Variants in BDP1 observed in about 807,000 individuals in gnomAD.
BDP1 encodes the protein transcription factor TFIIIB component B'' homolog.
A neutral mutation model predicts 266.6 loss-of-function variants in BDP1; 169 were observed. The observed-to-expected ratio is 0.63, with a 90% confidence interval of 0.56 to 0.72. The LOEUF is 0.72. Among genes scored for constraint, BDP1 ranks in the 30% least tolerant of loss-of-function variants. The pLI, the probability that BDP1 is intolerant of heterozygous loss-of-function variation, is 0.00. For missense variants in BDP1, 3,015 were observed against 3,053.8 expected, an observed-to-expected ratio of 0.99 and a Z score of 0.30; for synonymous variants, 1,090 against 1,022.4, an observed-to-expected ratio of 1.07 and a Z score of -1.26.
intron 25 of BDP1, among the ~76,000 whole-genome samples, chr5:71,529,027 T>G (rs1264528313): frequency 1.3e-5 from 2 of 152,208 alleles, no homozygotes; most frequent in Non-Finnish European, 1.5e-5. Context: ...AAGGCTTTCC[T>G]TAGATTCTAT....
At position 71,560,242 on chromosome 5, in the gene BDP1, C is replaced by G. The variant is rs770211821; in HGVS notation, c.7496+5C>G. On this transcript the variant is annotated splice_donor_5th_base_variant and intron_variant, in intron 37 of 38. Transcript: ENST00000358731. ...TTCTAAAGCCTCACTATCCAGGTATCATGAACAAATCTTTAATAAGTGTTT... is the reference window on the plus strand; with the variant it reads ...TTCTAAAGCCTCACTATCCAGGTATGATGAACAAATCTTTAATAAGTGTTT... The G allele has an allele frequency of 2.4e-5, 38 of 1,612,398 alleles. No individual in the cohort carries two copies. The African/African-American group carries it at 4.5e-4, about 19-fold the overall frequency.
chr5:71,462,124 G>A (rs1310776100), intron 3 of BDP1, among the ~76,000 whole-genome samples, 198 bp downstream of exon 3: 2 of 151,712 alleles, frequency 1.3e-5, no homozygotes, highest in African/African-American at 2.4e-5. Flanking sequence ...CACCACACCC[G>A]GCTAATTTTT....
In BDP1 at chr5:71,515,132, G is replaced by T; in HGVS notation, c.4649+10G>T. On this transcript the variant is annotated intron_variant, in intron 20 of 38. Coordinates refer to ENST00000358731, the MANE Select transcript of BDP1 (RefSeq NM_018429.3). ...CAGTTGTTTCTGTGGGGTAAACAGT[G>T]ATTTTCTTTGACAATATAAAATAAG... The T allele has an allele frequency of 6.4e-7, 1 of 1,554,986 alleles. No homozygotes were observed. The highest frequency in any genetic ancestry group is 8.7e-7 in the Non-Finnish European group (1 of 1,155,100).
At position 71,509,476 on chromosome 5, in the gene BDP1, A is replaced by G; in HGVS notation, c.2384A>G (p.Asn795Ser). 1 of 1,576,508 alleles carries G rather than the reference A, an allele frequency of 6.3e-7. No homozygotes were observed. Among genetic ancestry groups the G allele is most frequent in the Non-Finnish European group, 8.6e-7 (1 of 1,168,420 alleles). Residue 795 changes from asparagine to serine, a missense_variant, in exon 17 of 39, where the codon AAT becomes AGT. This residue lies in a region of BDP1 where 2,383 missense variants were observed against 2,404.9 expected (regional missense o/e 0.99). Coordinates refer to ENST00000358731, the MANE Select transcript of BDP1 (RefSeq NM_018429.3). ...TTTTTTTTTTATAGCGTTCAAGAGA[A>G]TAATAAGGCAAATAAACTTAACCAA... ...VLNECLSVQE[N>S]NKANKLNQVP...
At chr5:71,522,017 T>TG (rs1765520787) in intron 22 of BDP1, among the ~76,000 whole-genome samples, 1 of 152,118 alleles carries the variant, frequency 6.6e-6, no homozygotes, top group Non-Finnish European at 1.5e-5. Flanking sequence ...TGAAATCATA[T>TG]AATAGAATGA....
intron 6 of BDP1, among the ~76,000 whole-genome samples, chr5:71,468,642 T>C (rs1461384828): frequency 6.6e-6 from 1 of 151,272 alleles, no homozygotes; most frequent in Non-Finnish European, 1.5e-5. Context: ...GTTTCGCTCT[T>C]GTCGCCTAGG....
rs367866301 is a variant in BDP1 at position 71,560,214 on chromosome 5, G to A, written c.7473G>A (p.Ser2491=). 1.8e-4 allele frequency: 289 copies of A among 1,613,934 alleles called. No homozygotes were observed. Among genetic ancestry groups the A allele is most frequent in the Admixed American group, 3.0e-4 (18 of 59,996 alleles). Residue 2491 remains serine, a synonymous_variant, in exon 37 of 39, where the codon TCG becomes TCA. Coordinates refer to ENST00000358731, the MANE Select transcript of BDP1 (RefSeq NM_018429.3). The part of the protein sequence containing the change: ...PKSQQMDSRT[S]SSKASLSRPG... ...CTCAGCAAATGGATAGCAGAACATCGTCTTCTAAAGCCTCACTATCCAGGT... is the reference window on the plus strand; with the variant it reads ...CTCAGCAAATGGATAGCAGAACATCATCTTCTAAAGCCTCACTATCCAGGT...
At chr5:71,558,952 G>A (rs1561791650) in intron 36 of BDP1, among the ~76,000 whole-genome samples, 1 of 151,998 alleles carries the variant, frequency 6.6e-6, no homozygotes, top group Non-Finnish European at 1.5e-5. Context: ...TCAGGAGTTC[G>A]GGAGCAGCCT....
chr5:71,471,289 C>T (rs13168805), intron 7 of BDP1, among the ~76,000 whole-genome samples: 67,380 of 151,404 alleles, frequency 0.45, 15,360 homozygotes, highest in South Asian at 0.55. Context: ...ATTACAGGCG[C>T]ACACCACCAC....
chr5:71,521,300 T>G (rs1364066454), intron 22 of BDP1, among the ~76,000 whole-genome samples: 1 of 150,562 alleles, frequency 6.6e-6, no homozygotes, highest in Non-Finnish European at 1.5e-5. Flanking sequence ...AGTTTTTTTT[T>G]TTTTTTTTGG....
chr5:71,524,103 G>A lies in BDP1; in HGVS notation c.5552G>A (p.Gly1851Asp), dbSNP rs1471663734. 1.2e-6 allele frequency: 2 copies of A among 1,614,212 alleles called. No individual in the cohort carries two copies. The highest frequency in any genetic ancestry group is 4.5e-5 in the East Asian group (2 of 44,884). ...TRGRGSKRVR[G>D]KTSKKEPRAS... is the part of the protein sequence containing the mutation. The stretch of plus-strand genomic sequence containing the variant: ...GGTCGTGGATCAAAACGAGTTCGGG[G>A]TAAGACCTCTAAGAAGGAACCTAGA... Residue 1851 changes from glycine to aspartate, a missense_variant, in exon 25 of 39, where the codon GGT (glycine) becomes GAT (aspartate). This residue lies in a region of BDP1 where 2,383 missense variants were observed against 2,404.9 expected (regional missense o/e 0.99). Coordinates refer to ENST00000358731, the MANE Select transcript of BDP1 (RefSeq NM_018429.3).
At chr5:71,547,302 G>A (rs967492566) in intron 32 of BDP1, among the ~76,000 whole-genome samples, 1 of 152,022 alleles carries the variant, frequency 6.6e-6, no homozygotes, top group African/African-American at 2.4e-5. Context: ...GTTTAGACCA[G>A]TCTAGGCTGG....
chr5:71,530,674 G>A (rs779462308), intron 25 of BDP1, among the ~76,000 whole-genome samples: 7 of 152,038 alleles, frequency 4.6e-5, no homozygotes, highest in African/African-American at 1.2e-4. Flanking sequence ...ATGTGCCCCC[G>A]TGCTCACTTG....
chr5:71,510,038 A>T lies in BDP1; in HGVS notation c.2946A>T (p.Lys982Asn). 1 of 1,613,178 alleles carries T rather than the reference A, an allele frequency of 6.2e-7. No homozygotes were observed. Residue 982 changes from lysine (K) to asparagine (N), a missense_variant, in exon 17 of 39, where the codon AAA becomes AAT. This residue lies in a region of BDP1 where 2,383 missense variants were observed against 2,404.9 expected (regional missense o/e 0.99). Coordinates refer to ENST00000358731, the MANE Select transcript of BDP1 (RefSeq NM_018429.3). Reference protein sequence around the residue: ...EVTDATEEIDKNLEETGRRKI... With the variant: ...EVTDATEEIDNNLEETGRRKI... ...CTGATGCCACTGAGGAAATAGACAAAAATTTGGAAGAAACTGGAAGAAGAA... is the reference window on the plus strand; with the variant it reads ...CTGATGCCACTGAGGAAATAGACAATAATTTGGAAGAAACTGGAAGAAGAA...
At chr5:71,559,059 T>G (rs1743438728) in intron 36 of BDP1, among the ~76,000 whole-genome samples, 1 of 146,314 alleles carries the variant, frequency 6.8e-6, no homozygotes, top group Non-Finnish European at 1.5e-5. Flanking sequence ...GAGGCTGAGG[T>G]GAGTGAATTG....
At chr5:71,560,551 A>G (rs277939) in intron 37 of BDP1, among the ~76,000 whole-genome samples, 2 of 152,024 alleles carry the variant, frequency 1.3e-5, no homozygotes, top group Admixed American at 1.3e-4. Context: ...ACTAATGCAC[A>G]TATGTATGGA....
intron 11 of BDP1, among the ~76,000 whole-genome samples, chr5:71,492,802 G>A (rs11742923): frequency 0.45 from 68,285 of 151,982 alleles, 15,699 homozygotes; most frequent in South Asian, 0.55. Flanking sequence ...CTAAGAAACT[G>A]TTGCCAAAAA....
intron 8 of BDP1, among the ~76,000 whole-genome samples, chr5:71,485,807 G>A (rs1301483449): frequency 6.6e-6 from 1 of 152,148 alleles, no homozygotes; most frequent in Non-Finnish European, 1.5e-5. Context: ...TGTGATAAAG[G>A]TAGGGCATAT....
chr5:71,508,436 C>A (rs902119576), intron 16 of BDP1, among the ~76,000 whole-genome samples: 27 of 151,452 alleles, frequency 1.8e-4, no homozygotes, highest in South Asian at 4.2e-4. Context: ...TCCTGAATAG[C>A]TGGGACTACA....
Sources: gnomAD v4.1 joint callset for allele counts (sites outside exome capture counted in the v4.1 genomes callset) on GRCh38, gnomAD v4.1.1 for gene constraint, gnomAD v4.1.1 regional missense constraint, MANE v1.5 for transcripts, NCBI Gene and HGNC (gene_info 2026-07-23, HGNC 2026-07-21) for gene names.